PLEKHM3: variants seen among roughly 807,000 people sequenced by gnomAD.
The protein encoded by PLEKHM3 is pleckstrin homology domain containing M3, also known as pleckstrin homology domain-containing family M member 3.
A neutral mutation model predicts 81.8 loss-of-function variants in PLEKHM3; 45 were observed. The ratio of observed to expected loss-of-function variants is 0.55; its 90% CI spans 0.43 to 0.71. The LOEUF is 0.71. PLEKHM3 is among the 30% of genes least tolerant of loss of function. The probability of loss-of-function intolerance (pLI) is 0.00; values close to 1 mark genes in which losing one functional copy is unlikely to be tolerated. For synonymous variants in PLEKHM3, 352 were observed against 356.4 expected (o/e 0.99, Z 0.14); for missense variants, 788 against 924.3 (o/e 0.85, Z 1.91).
chr2:207,866,980 T>C (rs2092505017), intron 6 of PLEKHM3, among the ~76,000 whole-genome samples: 1 of 152,260 alleles, frequency 6.6e-6, no homozygotes, highest in Non-Finnish European at 1.5e-5. Flanking sequence ...TGACAATTTT[T>C]ACCCATACAA....
chr2:208,004,678 C>T (rs1692439122), intron 1 of PLEKHM3, among the ~76,000 whole-genome samples: 1 of 152,162 alleles, frequency 6.6e-6, no homozygotes, highest in Admixed American at 6.5e-5. Context: ...GATACCCCAA[C>T]ATGGACAACT....
At chr2:207,850,933 C>T (rs1481356876) in intron 7 of PLEKHM3, among the ~76,000 whole-genome samples, 1 of 151,108 alleles carries the variant, frequency 6.6e-6, no homozygotes, top group African/African-American at 2.4e-5. Flanking sequence ...GGCGGGTGGA[C>T]CACGAGGTCA....
chr2:207,939,083 G>A (rs1405409047), intron 4 of PLEKHM3, among the ~76,000 whole-genome samples: 3 of 152,110 alleles, frequency 2.0e-5, no homozygotes, highest in Non-Finnish European at 4.4e-5. Context: ...CACAGGGCTC[G>A]GATTGCCTCA....
intron 3 of PLEKHM3, among the ~76,000 whole-genome samples, chr2:207,958,684 C>T (rs1233321915): frequency 6.6e-6 from 1 of 151,840 alleles, no homozygotes; most frequent in Non-Finnish European, 1.5e-5. Context: ...CCGAGGTGGG[C>T]GGACCACCTA....
At chr2:207,942,384 C>T (rs930156132) in intron 4 of PLEKHM3, among the ~76,000 whole-genome samples, 4 of 152,122 alleles carry the variant, frequency 2.6e-5, no homozygotes, top group East Asian at 1.9e-4. Flanking sequence ...TAGTGATGTG[C>T]ACCTATGGTC....
intron 6 of PLEKHM3, among the ~76,000 whole-genome samples, chr2:207,901,531 C>T (rs796773626): frequency 4.6e-5 from 7 of 152,336 alleles, no homozygotes; most frequent in African/African-American, 1.7e-4. Flanking sequence ...CCGTTCCCCT[C>T]CCTGTACGAT....
At chr2:207,963,259 G>T (rs2106002225) in intron 3 of PLEKHM3, among the ~76,000 whole-genome samples, 1 of 152,324 alleles carries the variant, frequency 6.6e-6, no homozygotes, top group East Asian at 1.9e-4. Flanking sequence ...TAAGGTGGGT[G>T]AGCAGAAAGT....
intron 6 of PLEKHM3, among the ~76,000 whole-genome samples, chr2:207,875,784 C>T (rs558184909): frequency 1.3e-5 from 2 of 152,046 alleles, no homozygotes; most frequent in Non-Finnish European, 2.9e-5. Flanking sequence ...GCCAGCTGGG[C>T]AACACAGTGA....
intron 6 of PLEKHM3, among the ~76,000 whole-genome samples, chr2:207,875,110 TATC>T (rs1296332264): frequency 4.6e-5 from 7 of 151,954 alleles, no homozygotes; most frequent in Admixed American, 2.0e-4. Context: ...CAATATAAAA[TATC>T]ATTTAAAAGT....
At chr2:207,884,983 G>T (rs910582167) in intron 6 of PLEKHM3, among the ~76,000 whole-genome samples, 2 of 152,196 alleles carry the variant, frequency 1.3e-5, no homozygotes, top group Non-Finnish European at 2.9e-5. Flanking sequence ...AACTGAGTTC[G>T]TTGGGTAGAC....
intron 3 of PLEKHM3, among the ~76,000 whole-genome samples, chr2:207,961,150 C>A (rs1406067056): frequency 1.3e-5 from 2 of 152,146 alleles, no homozygotes; most frequent in Non-Finnish European, 2.9e-5. Flanking sequence ...TATTACTTAT[C>A]CCACTGAGTG....
intron 3 of PLEKHM3, among the ~76,000 whole-genome samples, chr2:207,956,547 T>G (rs1037982726): frequency 6.6e-6 from 1 of 151,358 alleles, no homozygotes; most frequent in Non-Finnish European, 1.5e-5. Flanking sequence ...AAAAAAAATT[T>G]TTTTTTTTAA....
chr2:207,831,917 T>G (rs1026837771), intron 7 of PLEKHM3, among the ~76,000 whole-genome samples: 3 of 152,204 alleles, frequency 2.0e-5, no homozygotes, highest in African/African-American at 7.2e-5. Flanking sequence ...CAGCCCCCTT[T>G]CCCCTGCTGG....
chr2:207,967,311 G>A (rs564124311), intron 3 of PLEKHM3, among the ~76,000 whole-genome samples: 2 of 152,272 alleles, frequency 1.3e-5, no homozygotes, highest in Admixed American at 1.3e-4. Context: ...TGGTTTTCAT[G>A]TAGCCATAGC....
intron 6 of PLEKHM3, among the ~76,000 whole-genome samples, chr2:207,873,893 T>C (rs1167047291): frequency 6.6e-6 from 1 of 152,208 alleles, no homozygotes; most frequent in Non-Finnish European, 1.5e-5. Context: ...GGTTAGAAGG[T>C]TGTGATCTAA....
chr2:207,904,009 AG>A (rs1305447548), intron 6 of PLEKHM3, among the ~76,000 whole-genome samples: 4 of 152,204 alleles, frequency 2.6e-5, no homozygotes, highest in Admixed American at 2.0e-4. Context: ...TAGCTAACCA[AG>A]GAAAAGCTCT....
intron 5 of PLEKHM3, among the ~76,000 whole-genome samples, chr2:207,927,424 G>A (rs1689432441): frequency 6.6e-6 from 1 of 150,616 alleles, no homozygotes; most frequent in Admixed American, 6.6e-5. Flanking sequence ...GCTGAGGCAG[G>A]AGAATCGCTT....
At chr2:207,940,167 G>A (rs1250085578) in intron 4 of PLEKHM3, among the ~76,000 whole-genome samples, 1 of 152,164 alleles carries the variant, frequency 6.6e-6, no homozygotes, top group Non-Finnish European at 1.5e-5. Context: ...TGTGCCCAGA[G>A]AGCTCACCTT....
chr2:207,901,091 C>A (rs1199986862), intron 6 of PLEKHM3: 2 of 597,158 alleles, frequency 3.3e-6, no homozygotes, highest in Admixed American at 2.9e-5. Context: ...CTCGAGTTGG[C>A]TCCTGGAATC....
Sources: gnomAD v4.1 joint callset for allele counts (sites outside exome capture counted in the v4.1 genomes callset) on GRCh38, gnomAD v4.1.1 for gene constraint, MANE v1.5 for transcripts, NCBI Gene and HGNC (gene_info 2026-07-23, HGNC 2026-07-21) for gene names.